The following VWF variants were observed in gnomAD, a reference collection of about 807,000 sequenced individuals.
VWF encodes Factor VIII related antigen.
VWF carries 176 observed loss-of-function variants against 308.6 expected under a neutral mutation model. That is an observed-to-expected ratio of 0.57 (90% CI 0.50 to 0.65). The LOEUF (loss-of-function observed/expected upper bound fraction) is 0.65. Ranked by LOEUF, VWF falls within the 30% of genes least tolerant of loss-of-function variation. The pLI, the probability that VWF is intolerant of heterozygous loss-of-function variation, is 0.00. For missense variants in VWF, 3,146 were observed against 3,648.2 expected (o/e 0.86, Z 3.55); for synonymous variants, 1,385 against 1,443.4 (o/e 0.96, Z 0.92).
intron 25 of VWF, among the ~76,000 whole-genome samples, chr12:6,023,380 C>T (rs1944152059): frequency 6.6e-6 from 1 of 152,196 alleles, no homozygotes; most frequent in African/African-American, 2.4e-5. Context: ...CCTCTTCTCC[C>T]CTGCCAGAAT....
At chr12:5,991,476 T>G (rs1009286036) in intron 38 of VWF, among the ~76,000 whole-genome samples, 1 of 152,184 alleles carries the variant, frequency 6.6e-6, no homozygotes, top group African/African-American at 2.4e-5. Flanking sequence ...ATGGCAGACA[T>G]TATGACACAA....
At chr12:6,080,817 C>T (rs967810412) in intron 6 of VWF, among the ~76,000 whole-genome samples, 1 of 152,234 alleles carries the variant, frequency 6.6e-6, no homozygotes, top group Admixed American at 6.5e-5. Flanking sequence ...TCAGACCCTT[C>T]CGCGTGTGTT....
chr12:6,066,561 A>C (rs2136464568), intron 10 of VWF, among the ~76,000 whole-genome samples: 1 of 152,362 alleles, frequency 6.6e-6, no homozygotes, highest in South Asian at 2.1e-4. Flanking sequence ...GACCCTCCAA[A>C]CAGCGGAAGC....
At chr12:6,081,029 G>A (rs1263304567) in intron 6 of VWF, among the ~76,000 whole-genome samples, 2 of 152,124 alleles carry the variant, frequency 1.3e-5, no homozygotes, top group Admixed American at 6.5e-5. Context: ...ACTCAGTCAC[G>A]GGGGGCTATT....
chr12:5,964,148 CG>C (rs1394964985), intron 47 of VWF, among the ~76,000 whole-genome samples: 1 of 149,144 alleles, frequency 6.7e-6, no homozygotes, highest in Non-Finnish European at 1.5e-5. Flanking sequence ...ACCTGGGAGG[CG>C]GGGCTTGCAG....
intron 42 of VWF, among the ~76,000 whole-genome samples, chr12:5,979,523 G>A (rs1324085077): frequency 2.0e-5 from 3 of 152,108 alleles, no homozygotes; most frequent in Non-Finnish European, 4.4e-5. Context: ...AGGTCGAGGC[G>A]GGTGGATCAC....
intron 42 of VWF, 34 bp from the exon 43 acceptor site, chr12:5,976,294 T>C (rs1943533265): frequency 6.2e-7 from 1 of 1,613,950 alleles, no homozygotes; most frequent in Non-Finnish European, 8.5e-7. Context: ...TGAACTCATT[T>C]GTTTCATTGA....
rs779932077 is a variant in VWF at position 6,057,924 on chromosome 12, C to A, written c.1654G>T (p.Ala552Ser). 3 of 1,613,626 alleles carry A rather than the reference C, an allele frequency of 1.9e-6. No individual in the cohort carries two copies. The highest frequency in any genetic ancestry group is 2.7e-5 in the African/African-American group (2 of 75,032). The change falls in exon 14 of 52, where the codon GCC (alanine) becomes TCC (serine). Residue 552 changes from alanine to serine, a missense_variant. Ala to Ser is a moderately conservative substitution (Grantham distance 99). This residue lies in a region of VWF where 1,304 missense variants were observed against 1,353.0 expected (regional missense o/e 0.96). Coordinates refer to ENST00000261405, the MANE Select transcript of VWF (RefSeq NM_000552.5). ...AEPRVEDFGN[A>S]WKLHGDCQDL... ...TGGCAGTCCCCGTGCAGCTTCCAGG[C>A]GTTCCCGAAGTCCTCCACCCGGGGC...
chr12:6,117,614 G>A (rs1057296156), intron 3 of VWF, among the ~76,000 whole-genome samples: 11 of 152,166 alleles, frequency 7.2e-5, no homozygotes, highest in African/African-American at 1.4e-4. Context: ...TCGGGAGTTC[G>A]AGACCAGCCT....
rs73261086 is a variant in VWF at position 6,023,485 on chromosome 12, C to T, written c.3379+146G>A. 1.9e-5 allele frequency: 23 copies of T among 1,181,684 alleles called. No homozygotes were observed. The South Asian group carries it at 3.0e-4, about 15-fold the overall frequency. The allele number at this position is 1,181,684 out of a possible 1,614,324, so 73.2% of individuals were successfully genotyped here. A position where few individuals can be genotyped will look rare whatever the true frequency, so the allele number is the denominator to read the frequency against. ...TTCTTACACAGCCAATGTCTTAACCCTCCTTAGCCCTTGGCCATCCAGTCC... is the reference window on the plus strand; with the variant it reads ...TTCTTACACAGCCAATGTCTTAACCTTCCTTAGCCCTTGGCCATCCAGTCC... On this transcript the variant is annotated intron_variant, in intron 25 of 51. Coordinates refer to ENST00000261405, the MANE Select transcript of VWF (RefSeq NM_000552.5).
rs1945466441 is a variant in VWF, at chr12:6,124,531, A to T, written c.-111T>A. The stretch of plus-strand genomic sequence containing the variant: ...ATGCTCTCAGCTGCTGCAAAGGCTC[A>T]ATCAGGTCTGCTACAGCTCCGGACT... On this transcript the variant is annotated 5_prime_UTR_variant, in exon 1 of 52. Transcript: ENST00000261405. 1 of 152,508 alleles carries T rather than the reference A, an allele frequency of 6.6e-6. No homozygotes were observed. The highest frequency in any genetic ancestry group is 1.5e-5 in the Non-Finnish European group (1 of 68,274). The allele number at this position is 152,508 out of a possible 1,614,324, so 9.4% of individuals were successfully genotyped here. A position where few individuals can be genotyped will look rare whatever the true frequency, so the allele number is the denominator to read the frequency against.
At chr12:5,984,639 G>T (rs137982640) in intron 40 of VWF, among the ~76,000 whole-genome samples, 29 of 152,362 alleles carry the variant, frequency 1.9e-4, no homozygotes, top group African/African-American at 6.7e-4. Context: ...AGAGCAGCCT[G>T]CAAGGCTAGC....
rs569269281 is a variant in VWF at position 5,976,334 on chromosome 12, A to C, written c.7288-74T>G. Reference sequence around the variant, plus strand: ...AGCGGTGAGTTAGCACCTACTACACAGAAGCCGCTCTAAGTGCTGAGAATG... The same window carrying C: ...AGCGGTGAGTTAGCACCTACTACACCGAAGCCGCTCTAAGTGCTGAGAATG... On this transcript the variant is annotated intron_variant, in intron 42 of 51. Coordinates refer to ENST00000261405, the MANE Select transcript of VWF (RefSeq NM_000552.5). The C allele has an allele frequency of 1.3e-4, 205 of 1,597,102 alleles. 1 individual carries two copies. In the African/African-American group the frequency reaches 2.4e-3, roughly 18 times the overall value.
At chr12:6,097,505 C>T (rs1388062728) in intron 5 of VWF, among the ~76,000 whole-genome samples, 1 of 152,028 alleles carries the variant, frequency 6.6e-6, no homozygotes, top group Non-Finnish European at 1.5e-5. Context: ...GGCAAAGACA[C>T]ACACACAGGA....
intron 39 of VWF, 136 bp downstream of exon 39, chr12:5,985,427 A>G: frequency 1.0e-6 from 1 of 1,000,556 alleles, no homozygotes; most frequent in Non-Finnish European, 1.5e-6. Context: ...CAGGCTGGGC[A>G]AGGAAGCCCA....
intron 37 of VWF, among the ~76,000 whole-genome samples, chr12:5,993,248 C>A (rs1429169409): frequency 6.6e-6 from 1 of 152,182 alleles, no homozygotes; most frequent in Non-Finnish European, 1.5e-5. Context: ...CCCTGAGGGA[C>A]AGGAGCCATA....
At chr12:6,072,088 G>T (rs559360953) in intron 9 of VWF, among the ~76,000 whole-genome samples, 87 of 152,328 alleles carry the variant, frequency 5.7e-4, no homozygotes, top group African/African-American at 1.8e-3. Context: ...ATGTCTGCAC[G>T]TGAAGGATCC....
chr12:6,068,184 T>C (rs777219448), intron 10 of VWF, among the ~76,000 whole-genome samples: 1 of 149,228 alleles, frequency 6.7e-6, no homozygotes, highest in Non-Finnish European at 1.5e-5. Flanking sequence ...TCCATTTCTA[T>C]GTGAATAAAG....
At chr12:6,042,203 C>T (rs960936860) in intron 18 of VWF, among the ~76,000 whole-genome samples, 10 of 152,222 alleles carry the variant, frequency 6.6e-5, no homozygotes, top group East Asian at 5.8e-4. Flanking sequence ...CTCTTTCTGC[C>T]CCCCGCAGAT....
Sources: gnomAD v4.1 joint callset for allele counts (sites outside exome capture counted in the v4.1 genomes callset) on GRCh38, gnomAD v4.1.1 for gene constraint, gnomAD v4.1.1 regional missense constraint, MANE v1.5 for transcripts, NCBI Gene and HGNC (gene_info 2026-07-23, HGNC 2026-07-21) for gene names.